CLASP1: variants seen among roughly 807,000 people sequenced by gnomAD.
The protein encoded by CLASP1 is CLIP-associating protein 1.
Under a neutral mutation model 192.3 loss-of-function variants are expected in CLASP1, and 38 were observed. That is an observed-to-expected ratio of 0.20 (90% CI 0.15 to 0.26). CLASP1 has a LOEUF of 0.26. Among genes scored for constraint, CLASP1 ranks in the 10% least tolerant of loss-of-function variants. CLASP1 has a pLI of 1.00. For synonymous variants in CLASP1, 691 were observed against 712.8 expected (o/e 0.97, Z 0.49); for missense variants, 1,433 against 1,932.5 (o/e 0.74, Z 4.85).
intron 2 of CLASP1, among the ~76,000 whole-genome samples, chr2:121,531,684 A>G (rs2104825469): frequency 6.6e-6 from 1 of 151,942 alleles, no homozygotes; most frequent in East Asian, 1.9e-4. Context: ...CCTGGCCAAC[A>G]TGGTGAAACC....
chr2:121,583,698 G>C (rs953325680), intron 2 of CLASP1, among the ~76,000 whole-genome samples: 3 of 151,966 alleles, frequency 2.0e-5, no homozygotes, highest in African/African-American at 7.3e-5. Context: ...TCCTGTTCTT[G>C]CTCATTTGTA....
At chr2:121,499,931 C>T (rs1295735350) in intron 8 of CLASP1, among the ~76,000 whole-genome samples, 2 of 152,046 alleles carry the variant, frequency 1.3e-5, no homozygotes, top group Non-Finnish European at 2.9e-5. Flanking sequence ...AGGAACCAGA[C>T]GAGGATGTCC....
At chr2:121,604,897 GC>G (rs1344349505) in intron 2 of CLASP1, among the ~76,000 whole-genome samples, 1 of 152,200 alleles carries the variant, frequency 6.6e-6, no homozygotes, top group Non-Finnish European at 1.5e-5. Context: ...TAGCAGTCAT[GC>G]AAACTCTCCA....
chr2:121,614,031 A>T (rs2066050052), intron 1 of CLASP1, among the ~76,000 whole-genome samples: 1 of 152,108 alleles, frequency 6.6e-6, no homozygotes, highest in African/African-American at 2.4e-5. Flanking sequence ...TCCACACATG[A>T]TCTCTAACCA....
chr2:121,447,134 A>C (rs1038712362), intron 19 of CLASP1, among the ~76,000 whole-genome samples: 1 of 152,186 alleles, frequency 6.6e-6, no homozygotes, highest in African/African-American at 2.4e-5. Context: ...CTCAGCACTA[A>C]AACGGATGAT....
At chr2:121,649,034 C>A (rs982377170) in intron 1 of CLASP1, among the ~76,000 whole-genome samples, 1 of 152,186 alleles carries the variant, frequency 6.6e-6, no homozygotes, top group Non-Finnish European at 1.5e-5. Context: ...TTCTCCCACC[C>A]GGCAGGGGAG....
chr2:121,464,325 C>T (rs1486079776), intron 9 of CLASP1, among the ~76,000 whole-genome samples: 2 of 151,942 alleles, frequency 1.3e-5, no homozygotes, highest in Non-Finnish European at 2.9e-5. Context: ...TGTGTCTTTA[C>T]AGCAGCATGA....
At chr2:121,566,993 T>C (rs1349725783) in intron 2 of CLASP1, among the ~76,000 whole-genome samples, 3 of 152,176 alleles carry the variant, frequency 2.0e-5, no homozygotes, top group African/African-American at 4.8e-5. Flanking sequence ...CTAGGAAGCA[T>C]AGTTCAGGGG....
Position 121,434,742 on chromosome 2 carries a change from C to A in CLASP1, c.1913-4565G>T, listed in dbSNP as rs748951459. ...CAGTGGCTCACACCTGTAAGCCCAG[C>A]ACTTTGGGAGGCTGAGGCAGGTGGA... is the stretch of plus-strand genomic sequence containing the variant. On this transcript the variant is annotated intron_variant, in intron 19 of 39. Coordinates refer to ENST00000263710, the Ensembl canonical transcript of CLASP1. 5.3e-5 allele frequency among the ~76,000 whole-genome samples: 8 copies of A among 152,084 alleles called. No homozygotes were observed. In the South Asian group the frequency reaches 1.5e-3, roughly 28 times the overall value.
At chr2:121,423,266 T>C (rs1446109121) in intron 22 of CLASP1, among the ~76,000 whole-genome samples, 1 of 152,140 alleles carries the variant, frequency 6.6e-6, no homozygotes, top group African/African-American at 2.4e-5. Context: ...ATAACTTTCT[T>C]CAAATAATAT....
chr2:121,457,089 G>A lies in CLASP1; in HGVS notation c.1385+598C>T, dbSNP rs532009724. Among the ~76,000 whole-genome samples the A allele has an allele frequency of 1.7e-4, 26 of 152,232 alleles. No homozygotes were observed. The South Asian group carries it at 4.2e-3, about 24-fold the overall frequency. ...CCTCACACGTAGTTTAGGGCAGCTC[G>A]CCAGGACATATAAGATAGGGACTTG... On this transcript the variant is annotated intron_variant, in intron 14 of 39. Transcript: ENST00000263710.
rs115402383 is a variant in CLASP1 at position 121,572,991 on chromosome 2, G to A, written c.195+32710C>T. Among the ~76,000 whole-genome samples, 1,264 of 152,242 alleles carry A rather than the reference G, an allele frequency of 8.3e-3. 16 individuals carry two copies. The highest frequency in any genetic ancestry group is 0.028 in the African/African-American group (1,167 of 41,530). On this transcript the variant is annotated intron_variant, in intron 2 of 39. Coordinates refer to ENST00000263710, the Ensembl canonical transcript of CLASP1. ...TGTTTTGTTTTTAAGATGGAGTCTC[G>A]TCCTGTCGCCCAGGCTAGAGTGCAG...
At chr2:121,365,364 C>T (rs1288360105) in intron 35 of CLASP1, 80 bp from the exon 37 acceptor site, 1 of 1,298,084 alleles carries the variant, frequency 7.7e-7, no homozygotes. Flanking sequence ...CGCAGTGATC[C>T]TTCCCTTCCT....
chr2:121,622,073 A>T (rs1210392144), intron 1 of CLASP1, among the ~76,000 whole-genome samples: 1 of 149,764 alleles, frequency 6.7e-6, no homozygotes, highest in Non-Finnish European at 1.5e-5. Flanking sequence ...CTGGTCTCAA[A>T]CTCTTGACCT....
intron 13 of CLASP1, 65 bp from the exon 14 acceptor site, chr2:121,457,822 G>T (rs1457460081): frequency 2.6e-6 from 3 of 1,159,610 alleles, no homozygotes; most frequent in Non-Finnish European, 3.9e-6. Flanking sequence ...AAAATTAAGA[G>T]AATCACTTCC....
In CLASP1 at chr2:121,405,735, G is replaced by T. The variant is rs142280327; in HGVS notation, c.2670-1301C>A. Among the ~76,000 whole-genome samples, 530 of 152,314 alleles carry T rather than the reference G, an allele frequency of 3.5e-3. 3 individuals are homozygous for T. Among genetic ancestry groups the T allele is most frequent in the African/African-American group, 0.012 (485 of 41,560 alleles). On this transcript the variant is annotated intron_variant, in intron 25 of 39. Transcript: ENST00000263710. ...AAAGTGGGACCACCAGGATTAAACA[G>T]ATTCTTGAGGAACAATCGTGACAAA...
intron 21 of CLASP1, among the ~76,000 whole-genome samples, chr2:121,426,643 G>C (rs1432760644): frequency 6.6e-6 from 1 of 151,846 alleles, no homozygotes; most frequent in African/African-American, 2.4e-5. Flanking sequence ...AAGCCTCAAA[G>C]TAAATCTCAA....
chr2:121,351,245 C>T (rs924072756), intron 37 of CLASP1, among the ~76,000 whole-genome samples: 1 of 152,238 alleles, frequency 6.6e-6, no homozygotes, highest in African/African-American at 2.4e-5. Flanking sequence ...CTGACACACA[C>T]GTCCCAGCCC....
chr2:121,392,126 C>T (rs576995043), intron 30 of CLASP1, among the ~76,000 whole-genome samples: 3 of 152,372 alleles, frequency 2.0e-5, no homozygotes, highest in Non-Finnish European at 2.9e-5. Flanking sequence ...TTCTTCGCCA[C>T]GCCTTTTTGC....
Sources: gnomAD v4.1 joint callset for allele counts (sites outside exome capture counted in the v4.1 genomes callset) on GRCh38, gnomAD v4.1.1 for gene constraint, MANE v1.5 for transcripts, NCBI Gene and HGNC (gene_info 2026-07-23, HGNC 2026-07-21) for gene names.